LDAH: variants seen among roughly 807,000 people sequenced by gnomAD.
LDAH encodes lipid droplet-associated hydrolase.
LDAH carries 26 observed loss-of-function variants against 29.6 expected under a neutral mutation model. The ratio of observed to expected loss-of-function variants is 0.88; its 90% confidence interval spans 0.64 to 1.22. The LOEUF is 1.22. LDAH is among the 50% of genes most tolerant of loss of function. LDAH has a pLI of 0.00. For missense variants in LDAH, 344 were observed against 387.3 expected, an observed-to-expected ratio of 0.89 and a Z score of 0.94; for synonymous variants, 117 against 133.0, an observed-to-expected ratio of 0.88 and a Z score of 0.83.
intron 5 of LDAH, among the ~76,000 whole-genome samples, chr2:20,708,724 AC>A (rs1664486964): frequency 6.6e-6 from 1 of 152,158 alleles, no homozygotes; most frequent in Non-Finnish European, 1.5e-5. Context: ...AAACTATAAA[AC>A]TCTCAGTAGG....
intron 5 of LDAH, among the ~76,000 whole-genome samples, chr2:20,717,874 C>G (rs1053601933): frequency 6.6e-6 from 1 of 152,116 alleles, no homozygotes; most frequent in African/African-American, 2.4e-5. Context: ...GCAGCCTTGA[C>G]CTGCTGGGCT....
chr2:20,740,221 A>G lies in LDAH; in HGVS notation c.469-16T>C. On this transcript the variant is annotated splice_polypyrimidine_tract_variant and intron_variant, in intron 4 of 6. Coordinates refer to ENST00000237822, the MANE Select transcript of LDAH (RefSeq NM_021925.4). ...CACGAATTACCTGCAATAAAGAAGC[A>G]TACTTTGATGAGAGGTTTTCTTAAA... The G allele has an allele frequency of 6.4e-7, 1 of 1,557,382 alleles. No homozygotes were observed. The highest frequency in any genetic ancestry group is 8.9e-7 in the Non-Finnish European group (1 of 1,128,518).
intron 5 of LDAH, among the ~76,000 whole-genome samples, chr2:20,734,236 G>C (rs1666623143): frequency 6.6e-6 from 1 of 152,066 alleles, no homozygotes; most frequent in Non-Finnish European, 1.5e-5. Flanking sequence ...ATACAATTGA[G>C]TCATGTTTTC....
intron 6 of LDAH, among the ~76,000 whole-genome samples, chr2:20,693,573 C>T (rs2149336232): frequency 6.6e-6 from 1 of 152,274 alleles, no homozygotes; most frequent in African/African-American, 2.4e-5. Flanking sequence ...CCGCCACTAA[C>T]AGTCAGCTCT....
chr2:20,752,372 G>C (rs983082307), intron 4 of LDAH, among the ~76,000 whole-genome samples: 1 of 152,152 alleles, frequency 6.6e-6, no homozygotes, highest in Non-Finnish European at 1.5e-5. Context: ...AGACAGGGAG[G>C]GAGGGAAGGG....
At chr2:20,718,271 T>C (rs1665387450) in intron 5 of LDAH, among the ~76,000 whole-genome samples, 1 of 152,130 alleles carries the variant, frequency 6.6e-6, no homozygotes, top group Non-Finnish European at 1.5e-5. Flanking sequence ...ACAAGAAACT[T>C]ATCTCACCTA....
intron 1 of LDAH, among the ~76,000 whole-genome samples, chr2:20,809,289 CT>C (rs1221272745): frequency 6.6e-6 from 1 of 151,890 alleles, no homozygotes; most frequent in Admixed American, 6.6e-5. Flanking sequence ...ATCCCAGCTA[CT>C]CAGGAGGCTG....
At chr2:20,745,016 G>T (rs1052336334) in intron 4 of LDAH, among the ~76,000 whole-genome samples, 5 of 152,086 alleles carry the variant, frequency 3.3e-5, no homozygotes, top group African/African-American at 1.2e-4. Flanking sequence ...GATAAGAATT[G>T]ATTTCTCAGT....
intron 6 of LDAH, among the ~76,000 whole-genome samples, chr2:20,699,753 C>A (rs554965659): frequency 6.6e-6 from 1 of 152,164 alleles, no homozygotes; most frequent in African/African-American, 2.4e-5. Flanking sequence ...CTACCATTTA[C>A]CATTACACCC....
chr2:20,798,587 T>TACATAATATAATATAATAC (rs1346935946), intron 2 of LDAH, among the ~76,000 whole-genome samples: 1 of 148,448 alleles, frequency 6.7e-6, no homozygotes, highest in Non-Finnish European at 1.5e-5. Context: ...TAATATAATA[T>TACATAATATAATATAATAC]ACATAATATA....
chr2:20,821,856 G>C (rs1207557640), intron 1 of LDAH, among the ~76,000 whole-genome samples: 1 of 152,142 alleles, frequency 6.6e-6, no homozygotes, highest in African/African-American at 2.4e-5. Context: ...TAAAATTTTA[G>C]ATGGGCACCC....
At chr2:20,736,265 A>G (rs1381341599) in intron 5 of LDAH, among the ~76,000 whole-genome samples, 1 of 152,076 alleles carries the variant, frequency 6.6e-6, no homozygotes, top group African/African-American at 2.4e-5. Flanking sequence ...AATATGGTGA[A>G]ACCCCATCTC....
At chr2:20,748,748 C>T (rs1667755028) in intron 4 of LDAH, among the ~76,000 whole-genome samples, 1 of 152,208 alleles carries the variant, frequency 6.6e-6, no homozygotes, top group Non-Finnish European at 1.5e-5. Context: ...CTACAAAATT[C>T]TCACATGACT....
At chr2:20,809,934 TCA>T (rs1431075252) in intron 1 of LDAH, among the ~76,000 whole-genome samples, 1 of 152,342 alleles carries the variant, frequency 6.6e-6, no homozygotes, top group African/African-American at 2.4e-5. Flanking sequence ...GGAACATGTA[TCA>T]CAAGCTACCA....
intron 5 of LDAH, among the ~76,000 whole-genome samples, chr2:20,726,877 G>A (rs917337378): frequency 3.9e-5 from 6 of 152,062 alleles, no homozygotes; most frequent in African/African-American, 1.2e-4. Flanking sequence ...TTAGACTGGC[G>A]TTAATTTTGA....
At chr2:20,714,559 C>A (rs1410425081) in intron 5 of LDAH, among the ~76,000 whole-genome samples, 1 of 152,020 alleles carries the variant, frequency 6.6e-6, no homozygotes, top group South Asian at 2.1e-4. Flanking sequence ...GGTAGAGACA[C>A]AAAAAACCCT....
chr2:20,820,881 A>G (rs1387222187), intron 1 of LDAH, among the ~76,000 whole-genome samples: 3 of 142,520 alleles, frequency 2.1e-5, no homozygotes, highest in African/African-American at 5.4e-5. Context: ...CAAAGGGCTA[A>G]TATCCAGAAT....
chr2:20,707,223 T>C (rs1331268365), intron 5 of LDAH, among the ~76,000 whole-genome samples: 1 of 152,150 alleles, frequency 6.6e-6, no homozygotes, highest in Admixed American at 6.5e-5. Flanking sequence ...CCCACCAAAA[T>C]TTTTCATACC....
At chr2:20,741,448 A>G (rs1235488486) in intron 4 of LDAH, among the ~76,000 whole-genome samples, 1 of 152,174 alleles carries the variant, frequency 6.6e-6, no homozygotes, top group Non-Finnish European at 1.5e-5. Flanking sequence ...GGTAAGTATA[A>G]GGTCTGTGTC....
Sources: allele counts gnomAD v4.1 joint callset (sites outside exome capture counted in the v4.1 genomes callset), GRCh38; gene constraint gnomAD v4.1.1; transcripts MANE v1.5; gene names NCBI Gene and HGNC (gene_info 2026-07-23, HGNC 2026-07-21).